Variants in CKAP5 observed in about 807,000 individuals in gnomAD.
The protein encoded by CKAP5 is cytoskeleton-associated protein 5.
A neutral mutation model predicts 232.8 loss-of-function variants in CKAP5; 27 were observed. The observed-to-expected ratio is 0.12, with a 90% confidence interval of 0.09 to 0.16. The LOEUF is 0.16. Ranked by LOEUF, CKAP5 falls within the 10% of genes least tolerant of loss-of-function variation. CKAP5 has a pLI of 1.00. For missense variants in CKAP5, 1,838 were observed against 2,424.7 expected, an observed-to-expected ratio of 0.76 and a Z score of 5.08; for synonymous variants, 785 against 841.1, an observed-to-expected ratio of 0.93 and a Z score of 1.16.
intron 16 of CKAP5, among the ~76,000 whole-genome samples, chr11:46,788,167 G>T (rs962064320): frequency 6.6e-6 from 1 of 152,184 alleles, no homozygotes; most frequent in Non-Finnish European, 1.5e-5. Flanking sequence ...GGAGTCCAGA[G>T]TTATATGTGA....
intron 24 of CKAP5, among the ~76,000 whole-genome samples, chr11:46,773,021 C>G (rs574090061): frequency 2.0e-5 from 3 of 152,120 alleles, no homozygotes; most frequent in African/African-American, 7.2e-5. Flanking sequence ...GGATTACAGG[C>G]GTGAGCCACC....
At chr11:46,797,730 C>T in intron 11 of CKAP5, 75 bp downstream of exon 11, 1 of 1,404,986 alleles carries the variant, frequency 7.1e-7, no homozygotes, top group Non-Finnish European at 9.7e-7. Context: ...GTCAAGTAGT[C>T]ACTGTACATA....
At chr11:46,835,856 A>G (rs979830377) in intron 1 of CKAP5, among the ~76,000 whole-genome samples, 1 of 152,236 alleles carries the variant, frequency 6.6e-6, no homozygotes, top group African/African-American at 2.4e-5. Context: ...TTTAATACTT[A>G]ACCTAGCAAA....
At chr11:46,844,596 G>A (rs757293176) in intron 1 of CKAP5, among the ~76,000 whole-genome samples, 11 of 152,112 alleles carry the variant, frequency 7.2e-5, no homozygotes, top group Non-Finnish European at 1.3e-4. Flanking sequence ...TAATTGTTAC[G>A]GAATACCTTT....
At chr11:46,779,917 T>G (rs1289543944) in intron 20 of CKAP5, among the ~76,000 whole-genome samples, 1 of 152,080 alleles carries the variant, frequency 6.6e-6, no homozygotes, top group Non-Finnish European at 1.5e-5. Flanking sequence ...CCACTGCACC[T>G]GGCCGACCTG....
chr11:46,816,153 T>A lies in CKAP5; in HGVS notation c.458+45A>T, dbSNP rs768707210. ...AAACTGGTCCCTGGTGCCAAAAAGG[T>A]TGGGGACTGCTGCTCTAGTTAACAA... On this transcript the variant is annotated intron_variant, in intron 4 of 43. Transcript: ENST00000529230. 9.9e-6 allele frequency: 15 copies of A among 1,511,378 alleles called. No homozygotes were observed. The East Asian group carries it at 3.2e-4, about 32-fold the overall frequency. The allele number at this position is 1,511,378 out of a possible 1,614,324, so 93.6% of individuals were successfully genotyped here. A position where few individuals can be genotyped will look rare whatever the true frequency, so the allele number is the denominator to read the frequency against.
At chr11:46,779,184 A>G (rs1336531774) in intron 20 of CKAP5, among the ~76,000 whole-genome samples, 1 of 152,086 alleles carries the variant, frequency 6.6e-6, no homozygotes, top group East Asian at 1.9e-4. Context: ...CCCAGGCTGG[A>G]GTGCAGTGGC....
At chr11:46,842,840 G>A (rs1210618766) in intron 1 of CKAP5, among the ~76,000 whole-genome samples, 5 of 151,792 alleles carry the variant, frequency 3.3e-5, no homozygotes, top group African/African-American at 1.2e-4. Context: ...GGTAGCGGGC[G>A]CCTGTAGTCC....
intron 9 of CKAP5, among the ~76,000 whole-genome samples, chr11:46,798,491 G>T (rs1270860813): frequency 6.6e-6 from 1 of 150,686 alleles, no homozygotes. Context: ...GAGGTGGGAG[G>T]ATTACTTGAA....
At chr11:46,750,244 T>C in intron 42 of CKAP5, 30 bp downstream of exon 42, 1 of 1,600,774 alleles carries the variant, frequency 6.2e-7, no homozygotes, top group Non-Finnish European at 8.5e-7. Flanking sequence ...ATTTTGAGCT[T>C]ATTCCTGGAG....
intron 37 of CKAP5, 35 bp downstream of exon 37, chr11:46,753,275 G>GC (rs747346321): frequency 5.3e-6 from 8 of 1,514,848 alleles, no homozygotes; most frequent in Non-Finnish European, 7.1e-6. Flanking sequence ...AAGCGAGGAT[G>GC]CCCCAGGCTC....
chr11:46,784,775 C>A (rs993984106), intron 16 of CKAP5, 102 bp from the exon 17 acceptor site: 17 of 748,260 alleles, frequency 2.3e-5, no homozygotes, highest in Non-Finnish European at 3.4e-5. Flanking sequence ...TTAGGGACAG[C>A]TGGAAACACA....
chr11:46,814,019 C>G (rs747202998), intron 4 of CKAP5, among the ~76,000 whole-genome samples: 4 of 150,888 alleles, frequency 2.7e-5, no homozygotes, highest in Non-Finnish European at 4.4e-5. Context: ...GTAGTCCCAG[C>G]TACTCAGGAG....
rs1031940827 is a variant in CKAP5 at position 46,803,609 on chromosome 11, G to C, written c.979-2305C>G. Among the ~76,000 whole-genome samples the C allele has an allele frequency of 2.6e-5, 4 of 152,254 alleles. No individual in the cohort carries two copies. In the East Asian group the frequency reaches 5.8e-4, roughly 22 times the overall value. On this transcript the variant is annotated intron_variant, in intron 8 of 43. Transcript: ENST00000529230. ...ATAAAGATTAATGTGCTTACAGTCA[G>C]GTAGTTAGCAAATGGTAATGCTGTG...
At chr11:46,785,731 G>A (rs1186901209) in intron 16 of CKAP5, among the ~76,000 whole-genome samples, 1 of 152,172 alleles carries the variant, frequency 6.6e-6, no homozygotes, top group African/African-American at 2.4e-5. Flanking sequence ...GAATGCTTGA[G>A]CCCAGGAGTT....
intron 1 of CKAP5, among the ~76,000 whole-genome samples, chr11:46,839,514 G>A (rs936265033): frequency 1.3e-5 from 2 of 152,064 alleles, no homozygotes; most frequent in Admixed American, 6.6e-5. Flanking sequence ...GCTACCCACC[G>A]CCACCACTGT....
intron 8 of CKAP5, among the ~76,000 whole-genome samples, chr11:46,801,619 G>C (rs1326092747): frequency 1.3e-5 from 2 of 151,634 alleles, no homozygotes; most frequent in African/African-American, 2.4e-5. Context: ...GCAGTGAGCC[G>C]AGATTGCACC....
intron 1 of CKAP5, among the ~76,000 whole-genome samples, chr11:46,821,486 C>G (rs7106513): frequency 1 from 147,837 of 147,940 alleles, 73,867 homozygotes; most frequent in Middle Eastern, 1. Context: ...GTGCAGTGGC[C>G]CGATCTCCGC....
At position 46,830,111 on chromosome 11, in the gene CKAP5, A is replaced by G. The variant is rs534025471; in HGVS notation, c.-37-8843T>C. On this transcript the variant is annotated intron_variant, in intron 1 of 43. Coordinates refer to ENST00000529230, the MANE Select transcript of CKAP5 (RefSeq NM_001008938.4). ...GCAAGACGGAGGGAGATTTGACCCA[A>G]TGGAGAAAGTGATATGAAGAGGGAT... Among the ~76,000 whole-genome samples, 3 of 152,166 alleles carry G rather than the reference A, an allele frequency of 2.0e-5. 1 individual carries two copies. The East Asian group carries it at 5.8e-4, about 29-fold the overall frequency.
Sources: allele counts gnomAD v4.1 joint callset (sites outside exome capture counted in the v4.1 genomes callset), GRCh38; gene constraint gnomAD v4.1.1; transcripts MANE v1.5; gene names NCBI Gene and HGNC (gene_info 2026-07-23, HGNC 2026-07-21).